The following PPWD1 variants were observed in gnomAD, a reference collection of about 807,000 sequenced individuals.
The protein encoded by PPWD1 is peptidylprolyl isomerase domain and WD repeat-containing protein 1.
A neutral mutation model predicts 68.8 loss-of-function variants in PPWD1; 43 were observed. That is an observed-to-expected ratio of 0.62 (90% CI 0.49 to 0.81). PPWD1 has a LOEUF of 0.81. Among genes scored for constraint, PPWD1 ranks in the 30% least tolerant of loss-of-function variants. PPWD1 has a pLI of 0.00. For synonymous variants in PPWD1, 232 were observed against 258.7 expected (o/e 0.90, Z 0.99); for missense variants, 672 against 804.8 (o/e 0.83, Z 2.00).
At chr5:65,569,026 C>T (rs2150591775) in intron 2 of PPWD1, 1 of 455,420 alleles carries the variant, frequency 2.2e-6, no homozygotes, top group Non-Finnish European at 4.4e-6. Context: ...AAACTATTTC[C>T]TACTTATAAA....
At chr5:65,582,940 C>A (rs1007893895) in intron 7 of PPWD1, 98 bp from the exon 8 acceptor site, 5 of 1,372,654 alleles carry the variant, frequency 3.6e-6, no homozygotes, top group Non-Finnish European at 4.8e-6. Context: ...TGAATTCTTA[C>A]ATTTCTTAAG....
chr5:65,580,753 A>G (rs1008109786), intron 7 of PPWD1, among the ~76,000 whole-genome samples: 1 of 152,160 alleles, frequency 6.6e-6, no homozygotes, highest in African/African-American at 2.4e-5. Flanking sequence ...ACCTCAGGTA[A>G]TCCACCTGAC....
At position 65,578,725 on chromosome 5, in the gene PPWD1, T is replaced by C. The variant is rs960977074; in HGVS notation, c.1161-699T>C. Among the ~76,000 whole-genome samples, 7 of 97,310 alleles carry C rather than the reference T, an allele frequency of 7.2e-5. No individual in the cohort carries two copies. The South Asian group carries it at 2.0e-3, about 28-fold the overall frequency. The allele number at this position is 97,310 out of a possible 152,430, so 63.8% of individuals were successfully genotyped here. A position where few individuals can be genotyped will look rare whatever the true frequency, so the allele number is the denominator to read the frequency against. Reference sequence around the variant, plus strand: ...AGTTCTTTATATATATGTATATACATATATATATACATATATATATACACA... The same window carrying C: ...AGTTCTTTATATATATGTATATACACATATATATACATATATATATACACA... On this transcript the variant is annotated intron_variant, in intron 6 of 10. Coordinates refer to ENST00000261308, the MANE Select transcript of PPWD1 (RefSeq NM_015342.4).
rs1752844755 is a variant in PPWD1 at position 65,567,808 on chromosome 5, G to A, written c.299+193G>A. On this transcript the variant is annotated intron_variant, in intron 2 of 10. Coordinates refer to ENST00000261308, the MANE Select transcript of PPWD1 (RefSeq NM_015342.4). ...GCATTCTCTAAGATAGAACCCCTGA[G>A]TTTATATGTATGTCTTTGGAGATAA... 3.8e-6 allele frequency: 4 copies of A among 1,048,078 alleles called. No individual in the cohort carries two copies. The Admixed American group carries it at 1.5e-4, about 39-fold the overall frequency. The allele number at this position is 1,048,078 out of a possible 1,614,324, so 64.9% of individuals were successfully genotyped here.
At chr5:65,583,989 A>G (rs1021647115) in intron 8 of PPWD1, among the ~76,000 whole-genome samples, 2 of 152,150 alleles carry the variant, frequency 1.3e-5, no homozygotes, top group Non-Finnish European at 2.9e-5. Context: ...AAGGGCTTCA[A>G]TTGAAAAAAA....
At chr5:65,563,609 C>T (rs1297795588) in intron 1 of PPWD1, 103 bp downstream of exon 1, 1 of 1,442,054 alleles carries the variant, frequency 6.9e-7, no homozygotes, top group Non-Finnish European at 9.3e-7. Context: ...GTTTTGTGCC[C>T]TCAGAACAGA....
chr5:65,568,997 A>C, intron 2 of PPWD1: 1 of 455,870 alleles, frequency 2.2e-6, no homozygotes, highest in Non-Finnish European at 4.4e-6. Flanking sequence ...GACCTGAGGC[A>C]AGTACATTTA....
chr5:65,580,386 G>A (rs759612781), intron 7 of PPWD1, among the ~76,000 whole-genome samples: 11 of 152,020 alleles, frequency 7.2e-5, no homozygotes, highest in Non-Finnish European at 1.3e-4. Flanking sequence ...TTTGCTACAC[G>A]AACCATACTG....
At chr5:65,586,932 C>A (rs1477790646) in intron 10 of PPWD1, among the ~76,000 whole-genome samples, 2 of 152,214 alleles carry the variant, frequency 1.3e-5, no homozygotes, top group Admixed American at 6.5e-5. Context: ...TAAGAGTCCT[C>A]CAGAGACCTT....
chr5:65,573,662 C>G (rs1438557822), intron 5 of PPWD1, among the ~76,000 whole-genome samples: 1 of 149,782 alleles, frequency 6.7e-6, no homozygotes, highest in African/African-American at 2.5e-5. Flanking sequence ...GTGTGAGGCA[C>G]GGTGCCAAGC....
At position 65,583,224 on chromosome 5, in the gene PPWD1, G is replaced by C. The variant is rs1328444677; in HGVS notation, c.1532+5G>C. The C allele has an allele frequency of 3.9e-6, 6 of 1,537,258 alleles. No homozygotes were observed. The highest frequency in any genetic ancestry group is 3.5e-6 in the Non-Finnish European group (4 of 1,140,040). On this transcript the variant is annotated splice_donor_5th_base_variant and intron_variant, in intron 8 of 10. Transcript: ENST00000261308. ...CACCAAACTTTTTCCTGTTGAGTATGTATAACAACTGTTTTTATTGGCTTA... is the reference window on the plus strand; with the variant it reads ...CACCAAACTTTTTCCTGTTGAGTATCTATAACAACTGTTTTTATTGGCTTA...
intron 5 of PPWD1, among the ~76,000 whole-genome samples, chr5:65,573,919 G>C (rs1317442897): frequency 1.3e-5 from 2 of 152,244 alleles, no homozygotes; most frequent in Non-Finnish European, 2.9e-5. Context: ...GCATGTAGTC[G>C]TGGAATAAGA....
chr5:65,568,323 T>C (rs1424863829), intron 2 of PPWD1, among the ~76,000 whole-genome samples: 1 of 152,142 alleles, frequency 6.6e-6, no homozygotes, highest in Non-Finnish European at 1.5e-5. Context: ...AAGTTAAGGC[T>C]TTTTCATAAA....
intron 8 of PPWD1, 175 bp from the exon 9 acceptor site, chr5:65,584,839 T>A: frequency 2.0e-6 from 1 of 500,942 alleles, no homozygotes; most frequent in East Asian, 1.5e-4. Context: ...ATATACTACT[T>A]ACATGACCCT....
chr5:65,585,556 T>C (rs1172530142), intron 9 of PPWD1, among the ~76,000 whole-genome samples: 1 of 152,124 alleles, frequency 6.6e-6, no homozygotes, highest in Non-Finnish European at 1.5e-5. Flanking sequence ...GATGGGGCAC[T>C]GATACAGTGC....
At chr5:65,578,096 A>C (rs892197288) in intron 6 of PPWD1, among the ~76,000 whole-genome samples, 5 of 152,232 alleles carry the variant, frequency 3.3e-5, no homozygotes, top group Non-Finnish European at 5.9e-5. Context: ...CTAAAATCAT[A>C]CAGTATGTAG....
chr5:65,564,946 G>T (rs1403092601), intron 1 of PPWD1, among the ~76,000 whole-genome samples: 3 of 152,160 alleles, frequency 2.0e-5, no homozygotes, highest in African/African-American at 7.2e-5. Flanking sequence ...GAAGCACTTT[G>T]ATCATAACTC....
chr5:65,582,265 T>C (rs552987689), intron 7 of PPWD1, among the ~76,000 whole-genome samples: 1 of 152,314 alleles, frequency 6.6e-6, no homozygotes, highest in African/African-American at 2.4e-5. Flanking sequence ...TCCAGAGTTT[T>C]AACAACTGAA....
At chr5:65,585,382 A>C (rs968616466) in intron 9 of PPWD1, among the ~76,000 whole-genome samples, 1 of 152,196 alleles carries the variant, frequency 6.6e-6, no homozygotes, top group Non-Finnish European at 1.5e-5. Context: ...TCAGTAACCT[A>C]GGTAACCTCT....
Sources: gnomAD v4.1 joint callset for allele counts (sites outside exome capture counted in the v4.1 genomes callset) on GRCh38, gnomAD v4.1.1 for gene constraint, MANE v1.5 for transcripts, NCBI Gene and HGNC (gene_info 2026-07-23, HGNC 2026-07-21) for gene names.